The following GNAQ variants were observed in gnomAD, a reference collection of about 807,000 sequenced individuals.
The protein encoded by GNAQ is guanine nucleotide-binding protein G(q) subunit alpha.
A neutral mutation model predicts 43.9 loss-of-function variants in GNAQ; 8 were observed. That is an observed-to-expected ratio of 0.18 (90% CI 0.11 to 0.33). The LOEUF (loss-of-function observed/expected upper bound fraction) is 0.33, where lower values mean the gene tolerates loss of function less well. Ranked by LOEUF, GNAQ falls within the 10% of genes least tolerant of loss-of-function variation. The pLI is 1.00. For synonymous variants in GNAQ, 155 were observed against 170.7 expected (o/e 0.91, Z 0.71); for missense variants, 158 against 450.8 (o/e 0.35, Z 5.88).
chr9:77,830,081 T>C (rs780921235), intron 2 of GNAQ, among the ~76,000 whole-genome samples: 1 of 152,188 alleles, frequency 6.6e-6, no homozygotes, highest in Non-Finnish European at 1.5e-5. Context: ...GCCTTTCAAG[T>C]AGCTGGGACT....
intron 1 of GNAQ, among the ~76,000 whole-genome samples, chr9:78,023,440 G>C (rs1823936398): frequency 6.6e-6 from 1 of 152,120 alleles, no homozygotes; most frequent in Middle Eastern, 3.2e-3. Context: ...ATGTGATGAG[G>C]AATTAAATGG....
intron 5 of GNAQ, among the ~76,000 whole-genome samples, chr9:77,758,004 C>CCAA (rs1337444609): frequency 5.3e-5 from 8 of 152,162 alleles, no homozygotes; most frequent in African/African-American, 1.9e-4. Context: ...ATCAGTCATC[C>CCAA]CAACTATTAA....
intron 1 of GNAQ, among the ~76,000 whole-genome samples, chr9:77,956,076 T>C (rs1239790756): frequency 1.3e-5 from 2 of 152,250 alleles, no homozygotes; most frequent in African/African-American, 4.8e-5. Context: ...TTTTTTGTTA[T>C]GAAATAGTAA....
intron 5 of GNAQ, among the ~76,000 whole-genome samples, chr9:77,773,130 A>G (rs1826252156): frequency 6.6e-6 from 1 of 152,212 alleles, no homozygotes; most frequent in African/African-American, 2.4e-5. Flanking sequence ...CTCTTATTGT[A>G]AAAGAAATTT....
At chr9:77,863,220 G>GGAAGGAAGGA (rs1564133751) in intron 2 of GNAQ, among the ~76,000 whole-genome samples, 93 of 34,330 alleles carry the variant, frequency 2.7e-3, no homozygotes, top group East Asian at 4.3e-3. Context: ...GGAAGGAAGG[G>GGAAGGAAGGA]AGGAAGGAAG....
intron 2 of GNAQ, among the ~76,000 whole-genome samples, chr9:77,836,493 C>T (rs1587938664): frequency 6.6e-6 from 1 of 151,888 alleles, no homozygotes; most frequent in East Asian, 1.9e-4. Flanking sequence ...TACACCAAAC[C>T]TCTAGGCATA....
At chr9:77,798,395 C>T (rs532801552) in intron 3 of GNAQ, among the ~76,000 whole-genome samples, 1 of 152,128 alleles carries the variant, frequency 6.6e-6, no homozygotes, top group Non-Finnish European at 1.5e-5. Flanking sequence ...ACCCTTTACC[C>T]AGCTTCCCCA....
intron 2 of GNAQ, among the ~76,000 whole-genome samples, chr9:77,915,464 A>G (rs1828884745): frequency 6.6e-6 from 1 of 152,128 alleles, no homozygotes. Flanking sequence ...AAAAGATGGA[A>G]GGTTAGTAGT....
rs547200145 is a variant in GNAQ, at chr9:77,900,278, AAC to A, written c.321+21881_321+21882del. On this transcript the variant is annotated intron_variant, in intron 2 of 6. Coordinates refer to ENST00000286548, the MANE Select transcript of GNAQ (RefSeq NM_002072.5). ...TTCTAACAGAAACACATGTACGAAT[AAC>A]ACAGTCAAAAAAGATCCTTCTGTCA... 1.8e-4 allele frequency among the ~76,000 whole-genome samples: 28 copies of A among 152,318 alleles called. No individual in the cohort carries two copies. In the South Asian group the frequency reaches 5.2e-3, roughly 28 times the overall value.
chr9:77,816,635 T>C (rs949513957), intron 2 of GNAQ, among the ~76,000 whole-genome samples: 4 of 152,028 alleles, frequency 2.6e-5, no homozygotes, highest in African/African-American at 7.2e-5. Flanking sequence ...ACACACAAAG[T>C]ATATATACAT....
intron 5 of GNAQ, among the ~76,000 whole-genome samples, chr9:77,770,731 A>G (rs1001347507): frequency 1.3e-5 from 2 of 152,162 alleles, no homozygotes; most frequent in African/African-American, 4.8e-5. Context: ...TGGGAGGAAA[A>G]TTGAACATCA....
At chr9:77,857,520 AGAAG>A (rs1445493820) in intron 2 of GNAQ, among the ~76,000 whole-genome samples, 1 of 139,308 alleles carries the variant, frequency 7.2e-6, no homozygotes, top group African/African-American at 2.6e-5. Flanking sequence ...AAGGAAGGGA[AGAAG>A]GAAGGAAGGG....
At chr9:78,024,500 C>G (rs1172553978) in intron 1 of GNAQ, among the ~76,000 whole-genome samples, 1 of 152,156 alleles carries the variant, frequency 6.6e-6, no homozygotes. Flanking sequence ...CACGGAGCTT[C>G]CAATCCACTT....
intron 5 of GNAQ, among the ~76,000 whole-genome samples, chr9:77,733,049 G>A (rs1000854005): frequency 1.3e-5 from 2 of 152,200 alleles, no homozygotes; most frequent in Non-Finnish European, 2.9e-5. Context: ...CACACTGATA[G>A]GTAAGTCATT....
At chr9:77,903,048 G>T (rs1396973928) in intron 2 of GNAQ, among the ~76,000 whole-genome samples, 1 of 152,120 alleles carries the variant, frequency 6.6e-6, no homozygotes, top group African/African-American at 2.4e-5. Context: ...ATGAAGAGGT[G>T]AGCAAAGCCT....
rs559413281 is a variant in GNAQ, at chr9:77,737,140, T to C, written c.736-8473A>G. 2.6e-5 allele frequency among the ~76,000 whole-genome samples: 4 copies of C among 152,330 alleles called. No homozygotes were observed. The South Asian group carries it at 8.3e-4, about 32-fold the overall frequency. ...ACACTGACTTTTCAATTCACTGAAC[T>C]TTCCTCCTTCCAGTACTCTCTCTAC... On this transcript the variant is annotated intron_variant, in intron 5 of 6. Transcript: ENST00000286548.
chr9:77,824,827 GAATT>G (rs998490926), intron 2 of GNAQ, among the ~76,000 whole-genome samples: 2 of 152,126 alleles, frequency 1.3e-5, no homozygotes, highest in African/African-American at 4.8e-5. Context: ...TCTGCTAAGA[GAATT>G]AACAGATTAA....
intron 1 of GNAQ, among the ~76,000 whole-genome samples, chr9:77,942,282 G>C (rs1829326843): frequency 6.6e-6 from 1 of 152,142 alleles, no homozygotes; most frequent in Non-Finnish European, 1.5e-5. Context: ...GCCTTGTGAA[G>C]ATAAAACTGA....
At chr9:77,887,791 A>C (rs557167793) in intron 2 of GNAQ, among the ~76,000 whole-genome samples, 12 of 152,348 alleles carry the variant, frequency 7.9e-5, no homozygotes, top group African/African-American at 2.4e-4. Flanking sequence ...ACATGTTTTT[A>C]ATATACATAT....
Sources: gnomAD v4.1 joint callset for allele counts (sites outside exome capture counted in the v4.1 genomes callset) on GRCh38, gnomAD v4.1.1 for gene constraint, MANE v1.5 for transcripts, NCBI Gene and HGNC (gene_info 2026-07-23, HGNC 2026-07-21) for gene names.